Variants in MRTFA observed in about 807,000 individuals in gnomAD.
MRTFA encodes myocardin related transcription factor A.
A neutral mutation model predicts 83.5 loss-of-function variants in MRTFA; 20 were observed. The ratio of observed to expected loss-of-function variants is 0.24; its 90% CI spans 0.17 to 0.35. The LOEUF (loss-of-function observed/expected upper bound fraction) is 0.35, where lower values mean the gene tolerates loss of function less well. Among genes scored for constraint, MRTFA ranks in the 10% least tolerant of loss-of-function variants. MRTFA has a pLI of 1.00. For synonymous variants in MRTFA, 659 were observed against 541.2 expected, an observed-to-expected ratio of 1.22 and a Z score of -3.02; for missense variants, 1,200 against 1,224.7, an observed-to-expected ratio of 0.98 and a Z score of 0.30.
At chr22:40,557,939 A>G (rs1372126457) in intron 2 of MRTFA, among the ~76,000 whole-genome samples, 1 of 151,936 alleles carries the variant, frequency 6.6e-6, no homozygotes, top group Non-Finnish European at 1.5e-5. Context: ...AGGCCCGGCT[A>G]ATTTTTGTAT....
intron 2 of MRTFA, among the ~76,000 whole-genome samples, chr22:40,564,313 C>T (rs953740843): frequency 4.0e-5 from 6 of 151,552 alleles, no homozygotes; most frequent in African/African-American, 1.2e-4. Context: ...ATTAGGTACA[C>T]GAGAAGGAAA....
chr22:40,591,117 G>C (rs919586099), intron 2 of MRTFA, among the ~76,000 whole-genome samples: 1 of 152,116 alleles, frequency 6.6e-6, no homozygotes, highest in Non-Finnish European at 1.5e-5. Context: ...CCTGGCGACA[G>C]AGCGAGACTC....
intron 4 of MRTFA, among the ~76,000 whole-genome samples, chr22:40,457,094 G>A (rs1910906042): frequency 6.6e-6 from 1 of 152,212 alleles, no homozygotes; most frequent in Non-Finnish European, 1.5e-5. Flanking sequence ...ACCAGGCATA[G>A]TGGCTCACGC....
At chr22:40,459,936 A>G (rs923864051) in intron 4 of MRTFA, among the ~76,000 whole-genome samples, 2 of 150,192 alleles carry the variant, frequency 1.3e-5, no homozygotes, top group East Asian at 3.9e-4. Flanking sequence ...AGATAACCGC[A>G]ATAACCAAAG....
At chr22:40,606,425 C>T (rs139976255) in intron 1 of MRTFA, among the ~76,000 whole-genome samples, 4 of 152,296 alleles carry the variant, frequency 2.6e-5, no homozygotes, top group African/African-American at 9.6e-5. Flanking sequence ...ACATATATTT[C>T]ACTTTATCTT....
At chr22:40,574,234 A>G (rs1026655202) in intron 2 of MRTFA, among the ~76,000 whole-genome samples, 22 of 152,182 alleles carry the variant, frequency 1.4e-4, no homozygotes, top group Admixed American at 2.6e-4. Flanking sequence ...ACATTTTAAC[A>G]TTATCATAAA....
At chr22:40,502,182 G>C (rs1400577482) in intron 3 of MRTFA, among the ~76,000 whole-genome samples, 3 of 146,448 alleles carry the variant, frequency 2.0e-5, no homozygotes, top group Admixed American at 1.3e-4. Context: ...CTCCCTCCCG[G>C]ACGGGGTGGC....
chr22:40,529,229 T>C (rs1416664575), intron 3 of MRTFA, among the ~76,000 whole-genome samples: 1 of 152,188 alleles, frequency 6.6e-6, no homozygotes, highest in Non-Finnish European at 1.5e-5. Context: ...CAAACTGTAA[T>C]GATTAGGGAA....
intron 3 of MRTFA, among the ~76,000 whole-genome samples, chr22:40,464,589 T>C (rs2053782568): frequency 6.6e-6 from 1 of 151,962 alleles, no homozygotes; most frequent in African/African-American, 2.4e-5. Flanking sequence ...AAAGCCTCCT[T>C]ACATAATTAA....
At chr22:40,449,274 G>GAAAAAAA in intron 4 of MRTFA, among the ~76,000 whole-genome samples, 1 of 87,988 alleles carries the variant, frequency 1.1e-5, no homozygotes, top group East Asian at 3.3e-4. Flanking sequence ...CTCCAAACGA[G>GAAAAAAA]AAAAAAAAAA....
At chr22:40,425,641 AAC>A (rs2052938373) in intron 7 of MRTFA, among the ~76,000 whole-genome samples, 1 of 152,206 alleles carries the variant, frequency 6.6e-6, no homozygotes, top group Admixed American at 6.5e-5. Context: ...GCAAGTATGC[AAC>A]ACACAGAACA....
At chr22:40,469,226 C>A (rs1407066296) in intron 3 of MRTFA, among the ~76,000 whole-genome samples, 2 of 152,188 alleles carry the variant, frequency 1.3e-5, no homozygotes, top group Admixed American at 6.5e-5. Flanking sequence ...GAGATATGAT[C>A]CCCAATGTTG....
At position 40,410,341 on chromosome 22, in the gene MRTFA, C is replaced by G. The variant is rs1007004205; in HGVS notation, c.*1049G>C. 2 of 311,482 alleles carry G rather than the reference C, an allele frequency of 6.4e-6. No individual in the cohort carries two copies. Among genetic ancestry groups the G allele is most frequent in the Non-Finnish European group, 1.1e-5 (2 of 190,324 alleles). 19.3% of individuals were successfully genotyped at this position (311,482 alleles called of 1,614,324 possible). A position where few individuals can be genotyped will look rare whatever the true frequency, so the allele number is the denominator to read the frequency against. On this transcript the variant is annotated 3_prime_UTR_variant, in exon 15 of 15. Transcript: ENST00000355630. Reference sequence around the variant, plus strand: ...TTCACACACCTTCCCCATCTTTGTCCCAGCACTGGTTTTGGTGACTCCACC... The same window carrying G: ...TTCACACACCTTCCCCATCTTTGTCGCAGCACTGGTTTTGGTGACTCCACC...
chr22:40,453,830 G>C (rs927890587), intron 4 of MRTFA, among the ~76,000 whole-genome samples: 2 of 152,116 alleles, frequency 1.3e-5, no homozygotes, highest in African/African-American at 4.8e-5. Context: ...ATTCCCACTG[G>C]TAAACATTTC....
At chr22:40,531,262 C>CTTTTT (rs397868211) in intron 3 of MRTFA, among the ~76,000 whole-genome samples, 2 of 108,104 alleles carry the variant, frequency 1.9e-5, no homozygotes, top group Admixed American at 1.0e-4. Flanking sequence ...TCATACCTGG[C>CTTTTT]TTTTTTTTTT....
intron 9 of MRTFA, among the ~76,000 whole-genome samples, 172 bp downstream of exon 9, chr22:40,423,364 G>T (rs376149517): frequency 6.6e-6 from 1 of 152,178 alleles, no homozygotes; most frequent in Non-Finnish European, 1.5e-5. Flanking sequence ...GGCTATGATT[G>T]CAACAGCCAG....
intron 2 of MRTFA, among the ~76,000 whole-genome samples, chr22:40,577,798 G>T (rs2055889827): frequency 6.6e-6 from 1 of 151,224 alleles, no homozygotes; most frequent in South Asian, 2.1e-4. Context: ...TAGAGATGGG[G>T]TTTCTCCATG....
At chr22:40,635,509 T>C (rs557385480) in intron 1 of MRTFA, among the ~76,000 whole-genome samples, 1 of 152,322 alleles carries the variant, frequency 6.6e-6, no homozygotes, top group African/African-American at 2.4e-5. Flanking sequence ...GTATTCCACA[T>C]TCCTGTATAT....
intron 4 of MRTFA, among the ~76,000 whole-genome samples, chr22:40,446,220 A>G (rs1426460675): frequency 6.6e-6 from 1 of 152,264 alleles, no homozygotes; most frequent in African/African-American, 2.4e-5. Context: ...TAACTGCCTA[A>G]TAACAGTTTT....
Sources: gnomAD v4.1 joint callset for allele counts (sites outside exome capture counted in the v4.1 genomes callset) on GRCh38, gnomAD v4.1.1 for gene constraint, MANE v1.5 for transcripts, NCBI Gene and HGNC (gene_info 2026-07-23, HGNC 2026-07-21) for gene names.